Variants in GMDS observed in about 807,000 individuals in gnomAD.
GMDS encodes the protein GDP-mannose 4,6-dehydratase.
Under a neutral mutation model 49.9 loss-of-function variants are expected in GMDS, and 20 were observed. That is an observed-to-expected ratio of 0.40 (90% confidence interval 0.28 to 0.58). The LOEUF is 0.58. Ranked by LOEUF, GMDS falls within the 20% of genes least tolerant of loss-of-function variation. GMDS has a pLI of 0.42. For missense variants in GMDS, 362 were observed against 481.4 expected (o/e 0.75, Z 2.32); for synonymous variants, 177 against 178.6 (o/e 0.99, Z 0.07).
At chr6:2,131,580 A>G (rs1263754065) in intron 1 of GMDS, among the ~76,000 whole-genome samples, 1 of 152,210 alleles carries the variant, frequency 6.6e-6, no homozygotes, top group Non-Finnish European at 1.5e-5. Flanking sequence ...AAGATACTGT[A>G]AATCAAAAAT....
chr6:2,076,919 T>C (rs1049689693), intron 4 of GMDS, among the ~76,000 whole-genome samples: 3 of 152,138 alleles, frequency 2.0e-5, no homozygotes, highest in Non-Finnish European at 4.4e-5. Flanking sequence ...ATGCTATAAA[T>C]TCTTTTGATT....
intron 9 of GMDS, among the ~76,000 whole-genome samples, chr6:1,644,930 CTTTT>C (rs754544147): frequency 2.2e-5 from 3 of 136,254 alleles, no homozygotes; most frequent in Admixed American, 1.5e-4. Flanking sequence ...GACTCTGGTC[CTTTT>C]TTTTTTTTTT....
intron 4 of GMDS, among the ~76,000 whole-genome samples, chr6:1,983,301 T>C (rs902925728): frequency 6.6e-6 from 1 of 152,074 alleles, no homozygotes; most frequent in African/African-American, 2.4e-5. Flanking sequence ...GGCAATACCA[T>C]TCAGGACATA....
intron 1 of GMDS, among the ~76,000 whole-genome samples, chr6:2,204,187 G>A (rs930366888): frequency 4.6e-5 from 7 of 152,052 alleles, no homozygotes; most frequent in Non-Finnish European, 7.4e-5. Flanking sequence ...GTCTGTGATC[G>A]GGTCATTTTC....
chr6:2,082,504 T>C (rs1772773385), intron 4 of GMDS, among the ~76,000 whole-genome samples: 1 of 152,282 alleles, frequency 6.6e-6, no homozygotes, highest in South Asian at 2.1e-4. Context: ...CATGTTACAA[T>C]GAGGATTACA....
chr6:1,986,574 A>G (rs1227809476), intron 4 of GMDS, among the ~76,000 whole-genome samples: 1 of 152,220 alleles, frequency 6.6e-6, no homozygotes, highest in African/African-American at 2.4e-5. Context: ...TTAATAGCTA[A>G]TCTTCAGACT....
intron 1 of GMDS, among the ~76,000 whole-genome samples, chr6:2,241,364 T>G (rs1781606084): frequency 6.6e-6 from 1 of 152,204 alleles, no homozygotes; most frequent in South Asian, 2.1e-4. Context: ...GTTAAGAATT[T>G]TAGGGACTAT....
chr6:2,186,697 A>T (rs1778793885), intron 1 of GMDS, among the ~76,000 whole-genome samples: 2 of 152,200 alleles, frequency 1.3e-5, no homozygotes, highest in Non-Finnish European at 2.9e-5. Flanking sequence ...GCAAGTACTA[A>T]AAACCACACA....
At chr6:1,979,045 T>C (rs1289670240) in intron 4 of GMDS, among the ~76,000 whole-genome samples, 1 of 151,742 alleles carries the variant, frequency 6.6e-6, no homozygotes, top group Non-Finnish European at 1.5e-5. Flanking sequence ...AAGAACTCCA[T>C]CCAAAGGTCA....
chr6:1,888,587 T>C (rs926340167), intron 7 of GMDS, among the ~76,000 whole-genome samples: 1 of 152,172 alleles, frequency 6.6e-6, no homozygotes, highest in Non-Finnish European at 1.5e-5. Flanking sequence ...AACCATATCA[T>C]TCTGCCCCTG....
At chr6:1,992,179 G>T (rs138525078) in intron 4 of GMDS, among the ~76,000 whole-genome samples, 1 of 152,278 alleles carries the variant, frequency 6.6e-6, no homozygotes, top group Non-Finnish European at 1.5e-5. Context: ...ATTCCCCAAG[G>T]GGTATTTCTA....
chr6:2,074,133 A>G lies in GMDS; in HGVS notation c.345+41638T>C, dbSNP rs543653832. On this transcript the variant is annotated intron_variant, in intron 4 of 10. Coordinates refer to ENST00000380815, the MANE Select transcript of GMDS (RefSeq NM_001500.4). ...GGTTGTATTAATTCACCTTCCCACA[A>G]CCAGTGTACAAGAGTTCCCTTTCCT... 2.0e-5 allele frequency among the ~76,000 whole-genome samples: 3 copies of G among 152,332 alleles called. No individual in the cohort carries two copies. The East Asian group carries it at 5.8e-4, about 29-fold the overall frequency.
intron 6 of GMDS, among the ~76,000 whole-genome samples, chr6:1,958,089 G>A (rs1056650793): frequency 6.7e-6 from 1 of 150,356 alleles, no homozygotes; most frequent in Admixed American, 6.6e-5. Context: ...TACAGATGTG[G>A]GGCACTGTGC....
At chr6:1,981,955 T>C (rs980367975) in intron 4 of GMDS, among the ~76,000 whole-genome samples, 18 of 152,278 alleles carry the variant, frequency 1.2e-4, no homozygotes, top group African/African-American at 4.3e-4. Flanking sequence ...AGAAAAGGCC[T>C]TCCATAAAAT....
chr6:1,718,514 T>C (rs1434621004), intron 9 of GMDS, among the ~76,000 whole-genome samples: 19 of 152,172 alleles, frequency 1.2e-4, no homozygotes, highest in Admixed American at 1.2e-3. Context: ...TTCTGGCACC[T>C]GTCACTGTTT....
intron 1 of GMDS, among the ~76,000 whole-genome samples, chr6:2,131,225 C>T (rs1775719969): frequency 6.6e-6 from 1 of 152,108 alleles, no homozygotes; most frequent in African/African-American, 2.4e-5. Context: ...TGTAATAATA[C>T]TACTTTCAAC....
At chr6:1,969,186 CG>C (rs72008304) in intron 4 of GMDS, among the ~76,000 whole-genome samples, 16,748 of 130,296 alleles carry the variant, frequency 0.13, 1,051 homozygotes, top group South Asian at 0.19. Flanking sequence ...GGTGTGAACC[CG>C]GGAGGCGGCG....
chr6:1,969,290 A>AAGG (rs1764463109), intron 4 of GMDS, among the ~76,000 whole-genome samples: 6 of 58,718 alleles, frequency 1.0e-4, no homozygotes, highest in Admixed American at 2.0e-4. Context: ...AAAAAAAAAA[A>AAGG]GAGAAAGAAA....
intron 1 of GMDS, among the ~76,000 whole-genome samples, chr6:2,168,536 A>G (rs1240269121): frequency 1.3e-5 from 2 of 152,252 alleles, no homozygotes; most frequent in Non-Finnish European, 1.5e-5. Context: ...GTGTATTTAT[A>G]CATTGAGAGA....
Sources: gnomAD v4.1 joint callset for allele counts (sites outside exome capture counted in the v4.1 genomes callset) on GRCh38, gnomAD v4.1.1 for gene constraint, MANE v1.5 for transcripts, NCBI Gene and HGNC (gene_info 2026-07-23, HGNC 2026-07-21) for gene names.